Variants in ITGBL1 observed in about 807,000 individuals in gnomAD.
The protein encoded by ITGBL1 is integrin beta-like protein 1.
In ITGBL1, 51 loss-of-function variants were observed where a neutral mutation model predicts 68.5. That is an observed-to-expected ratio of 0.74 (90% CI 0.59 to 0.94). The LOEUF (loss-of-function observed/expected upper bound fraction) is 0.94. Ranked by LOEUF, ITGBL1 falls within the 40% of genes least tolerant of loss-of-function variation. The pLI, the probability that ITGBL1 is intolerant of heterozygous loss-of-function variation, is 0.00. For synonymous variants in ITGBL1, 209 were observed against 227.3 expected, an observed-to-expected ratio of 0.92 and a Z score of 0.72; for missense variants, 649 against 647.4, an observed-to-expected ratio of 1.00 and a Z score of -0.03.
At chr13:101,703,762 C>A (rs2034188451) in intron 8 of ITGBL1, among the ~76,000 whole-genome samples, 1 of 152,130 alleles carries the variant, frequency 6.6e-6, no homozygotes, top group African/African-American at 2.4e-5. Context: ...GAAAGACAAG[C>A]AGCTTTTGGA....
intron 2 of ITGBL1, among the ~76,000 whole-genome samples, chr13:101,479,224 A>C (rs1310272964): frequency 1.3e-5 from 2 of 152,144 alleles, no homozygotes; most frequent in East Asian, 1.9e-4. Flanking sequence ...CAATCTCTTC[A>C]ATAAATGGCT....
At chr13:101,634,943 T>G (rs1027972647) in intron 7 of ITGBL1, among the ~76,000 whole-genome samples, 8 of 114,870 alleles carry the variant, frequency 7.0e-5, no homozygotes, top group Admixed American at 5.1e-4. Flanking sequence ...AAGCAAAAGG[T>G]GTGTGTGTGT....
At chr13:101,640,974 A>T (rs1160992713) in intron 7 of ITGBL1, among the ~76,000 whole-genome samples, 1 of 152,210 alleles carries the variant, frequency 6.6e-6, no homozygotes, top group Non-Finnish European at 1.5e-5. Context: ...ATTTAGTATT[A>T]GTGTACATTT....
At chr13:101,485,891 G>T (rs1397363458) in intron 2 of ITGBL1, among the ~76,000 whole-genome samples, 1 of 152,294 alleles carries the variant, frequency 6.6e-6, no homozygotes, top group Admixed American at 6.5e-5. Context: ...TACACTGCTG[G>T]TGAGAATATA....
At chr13:101,536,731 G>A (rs1422164754) in intron 2 of ITGBL1, among the ~76,000 whole-genome samples, 3 of 151,974 alleles carry the variant, frequency 2.0e-5, no homozygotes, top group African/African-American at 7.2e-5. Flanking sequence ...ATTGATGCAA[G>A]ACTTCTATTA....
intron 1 of ITGBL1, 107 bp downstream of exon 1, chr13:101,453,038 A>G: frequency 2.3e-6 from 2 of 872,338 alleles, no homozygotes; most frequent in Non-Finnish European, 1.9e-6. Flanking sequence ...TAAATTGGAC[A>G]AGGGATAAAC....
chr13:101,469,860 G>A (rs922127231), intron 2 of ITGBL1, among the ~76,000 whole-genome samples: 8 of 152,210 alleles, frequency 5.3e-5, no homozygotes, highest in African/African-American at 1.9e-4. Flanking sequence ...AAAATGCAGA[G>A]GCAGAATGCT....
At chr13:101,597,040 G>A (rs564488617) in intron 6 of ITGBL1, among the ~76,000 whole-genome samples, 4 of 152,234 alleles carry the variant, frequency 2.6e-5, no homozygotes, top group African/African-American at 9.6e-5. Flanking sequence ...TGTACACTAA[G>A]AGTGGACCCT....
intron 7 of ITGBL1, among the ~76,000 whole-genome samples, chr13:101,630,379 A>G (rs2031937300): frequency 6.6e-6 from 1 of 152,140 alleles, no homozygotes; most frequent in South Asian, 2.1e-4. Flanking sequence ...TTTTAATTGT[A>G]AGAAATCTGA....
At chr13:101,540,761 G>A (rs1447188611) in intron 2 of ITGBL1, among the ~76,000 whole-genome samples, 2 of 151,700 alleles carry the variant, frequency 1.3e-5, no homozygotes, top group Non-Finnish European at 2.9e-5. Context: ...CCTTGAAGAG[G>A]TCCTTCACAT....
chr13:101,712,608 C>A (rs1322537591), intron 9 of ITGBL1: 1 of 152,048 alleles, frequency 6.6e-6, no homozygotes, highest in East Asian at 1.9e-4. Flanking sequence ...TAAAGACAGC[C>A]AAATACTTCA....
intron 8 of ITGBL1, among the ~76,000 whole-genome samples, chr13:101,701,588 C>T (rs2034138344): frequency 6.6e-6 from 1 of 151,882 alleles, no homozygotes. Flanking sequence ...TCTTGCATAA[C>T]ATTTTATATT....
intron 2 of ITGBL1, among the ~76,000 whole-genome samples, chr13:101,552,162 T>C (rs1369370313): frequency 6.6e-6 from 1 of 152,170 alleles, no homozygotes; most frequent in Admixed American, 6.5e-5. Context: ...TTTACCAAAA[T>C]ACATGATTTC....
intron 7 of ITGBL1, among the ~76,000 whole-genome samples, chr13:101,667,491 A>AT (rs1491345698): frequency 6.6e-6 from 1 of 151,140 alleles, no homozygotes; most frequent in Non-Finnish European, 1.5e-5. Flanking sequence ...AAAAAAAAAA[A>AT]GGAAAAGAAA....
At chr13:101,704,657 T>C (rs527438127) in intron 8 of ITGBL1, among the ~76,000 whole-genome samples, 23 of 152,158 alleles carry the variant, frequency 1.5e-4, no homozygotes, top group Non-Finnish European at 2.8e-4. Flanking sequence ...GAGACAAGAA[T>C]TAAGAAATCC....
chr13:101,481,184 A>G (rs1333287540), intron 2 of ITGBL1, among the ~76,000 whole-genome samples: 1 of 137,294 alleles, frequency 7.3e-6, no homozygotes, highest in Non-Finnish European at 1.5e-5. Context: ...ATATATACAT[A>G]TGAGAGAGAG....
downstream of ITGBL1, chr13:101,719,217 A>ACAAC (rs1020778066): frequency 6.6e-6 from 1 of 152,144 alleles, no homozygotes; most frequent in Non-Finnish European, 1.5e-5. Flanking sequence ...GCTTTTAAAG[A>ACAAC]CAACCAAATC....
Position 101,604,870 on chromosome 13 carries a change from A to G in ITGBL1, c.1015+6571A>G, listed in dbSNP as rs369665320. Reference sequence around the variant, plus strand: ...AATATATATATATATATATATATATATATATATATATATATATACACACAC... The same window carrying G: ...AATATATATATATATATATATATATGTATATATATATATATATACACACAC... On this transcript the variant is annotated intron_variant, in intron 7 of 10. Transcript: ENST00000376180. Among the ~76,000 whole-genome samples, 31 of 32,104 alleles carry G rather than the reference A, an allele frequency of 9.7e-4. 2 individuals are homozygous for G. The highest frequency in any genetic ancestry group is 6.3e-3 in the South Asian group (5 of 794). The allele number at this position is 32,104 out of a possible 152,430, so 21.1% of individuals were successfully genotyped here. A position where few individuals can be genotyped will look rare whatever the true frequency, so the allele number is the denominator to read the frequency against.
chr13:101,461,436 G>A (rs546643379), intron 2 of ITGBL1, among the ~76,000 whole-genome samples: 2 of 152,272 alleles, frequency 1.3e-5, no homozygotes, highest in African/African-American at 4.8e-5. Flanking sequence ...CACATCGCCT[G>A]TAATCCTAGC....
Sources: allele counts gnomAD v4.1 joint callset (sites outside exome capture counted in the v4.1 genomes callset), GRCh38; gene constraint gnomAD v4.1.1; transcripts MANE v1.5; gene names NCBI Gene and HGNC (gene_info 2026-07-23, HGNC 2026-07-21).